EGFL7: variants seen among roughly 807,000 people sequenced by gnomAD.
EGFL7 encodes the protein EGF like domain multiple 7.
In EGFL7, 48 loss-of-function variants were observed where a neutral mutation model predicts 37.1. The ratio of observed to expected loss-of-function variants is 1.29; its 90% CI spans 1.03 to 1.65. EGFL7 has a LOEUF of 1.65. Among genes scored for constraint, EGFL7 ranks in the 40% most tolerant of loss-of-function variants. EGFL7 has a pLI of 0.00. For missense variants in EGFL7, 384 were observed against 378.9 expected (o/e 1.01, Z -0.11); for synonymous variants, 180 against 156.8 (o/e 1.15, Z -1.10).
Position 136,672,069 on chromosome 9 carries a change from G to T in EGFL7, c.780G>T (p.Leu260=). Residue 260 remains leucine (L), a synonymous_variant, in exon 10 of 11, where the codon CTG becomes CTT. Coordinates refer to ENST00000308874, the MANE Select transcript of EGFL7 (RefSeq NM_016215.5). The part of the protein sequence containing the change: ...IDSLSEQISF[L]EEQLGSCSCK... Reference sequence around the variant, plus strand: ...CCCTGAGCGAGCAGATTTCCTTCCTGGAGGAGCAGCTGGGGTCCTGTGAGT... The same window carrying T: ...CCCTGAGCGAGCAGATTTCCTTCCTTGAGGAGCAGCTGGGGTCCTGTGAGT... 2 of 1,546,598 alleles carry T rather than the reference G, an allele frequency of 1.3e-6. No individual in the cohort carries two copies.
In EGFL7 at chr9:136,672,286, A is replaced by G; in HGVS notation, c.822A>G (p.Ter274TrpextTer33). The change falls in exon 11 of 11, where the codon TGA becomes TGG. Residue 274 changes from the stop codon to tryptophan (W), a stop_lost. Coordinates refer to ENST00000308874, the MANE Select transcript of EGFL7 (RefSeq NM_016215.5). ...LGSCSCKKDS[*>W] ...TAGGCTCCTGCAAGAAAGACTCGTG[A>G]CTGCCCAGCGCCCCAGGCTGGACTG... The G allele has an allele frequency of 1.2e-6, 2 of 1,613,264 alleles. No homozygotes were observed. The highest frequency in any genetic ancestry group is 2.7e-5 in the African/African-American group (2 of 75,038).
chr9:136,666,090 G>A lies in EGFL7; in HGVS notation c.-43+1305G>A, dbSNP rs1845455127. On this transcript the variant is annotated intron_variant, in intron 3 of 10. Transcript: ENST00000308874. This position sits in a 1 kb window ranked among gnomAD's most constrained non-coding sequence, Gnocchi z 6.8. ...CGGCGGGCGGGCGGGCGGCGCGGCG[G>A]GGAGGGCCGGGGTCGCCGCGGCCCC... Among the ~76,000 whole-genome samples the A allele has an allele frequency of 6.1e-5, 9 of 147,052 alleles. No individual in the cohort carries two copies. The South Asian group carries it at 1.5e-3, about 24-fold the overall frequency.
Position 136,672,045 on chromosome 9 carries a change from CCT to C in EGFL7, c.757_758del (p.Leu253GlufsTer30), listed in dbSNP as rs749353808. 4 of 1,545,878 alleles carry C rather than the reference CCT, an allele frequency of 2.6e-6. No homozygotes were observed. The highest frequency in any genetic ancestry group is 2.4e-5 in the East Asian group (1 of 40,958). On this transcript the variant is annotated frameshift_variant, in exon 10 of 11. Transcript: ENST00000308874. LOFTEE classifies it high-confidence loss of function. ...TCCAGCAGCTCGGCCGCATCGACTC[CCT>C]GAGCGAGCAGATTTCCTTCCTGGAG... Reference protein sequence around the residue: ...SFQQLGRIDSLSEQISFLEEQ... With the variant: ...SFQQLGRIDSXSEQISFLEEQ...
chr9:136,660,908 C>T (rs1365635842), upstream of EGFL7, among the ~76,000 whole-genome samples: 1 of 152,198 alleles, frequency 6.6e-6, no homozygotes. Flanking sequence ...GTTTCCCCCT[C>T]TGTACACAGA....
chr9:136,660,934 C>A (rs759168158), upstream of EGFL7, among the ~76,000 whole-genome samples: 1 of 152,194 alleles, frequency 6.6e-6, no homozygotes, highest in African/African-American at 2.4e-5. Context: ...CTGGATCTAG[C>A]CCACCCCATG....
At position 136,672,542 on chromosome 9, in the gene EGFL7, G is replaced by T; in HGVS notation, c.*256G>T. 1 of 596,204 alleles carries T rather than the reference G, an allele frequency of 1.7e-6. No individual in the cohort carries two copies. Among genetic ancestry groups the T allele is most frequent in the Non-Finnish European group, 3.0e-6 (1 of 334,926 alleles). The allele number at this position is 596,204 out of a possible 1,614,324, so 36.9% of individuals were successfully genotyped here. ...CCCCAACGGCATCCCAAGGCCAGGTGGGCCCTCAGCTGAGGGAAGGTACGA... is the reference window on the plus strand; with the variant it reads ...CCCCAACGGCATCCCAAGGCCAGGTTGGCCCTCAGCTGAGGGAAGGTACGA... On this transcript the variant is annotated 3_prime_UTR_variant, in exon 11 of 11. Transcript: ENST00000308874.
rs745384752 is a variant in EGFL7, at chr9:136,670,144, C to T, written c.410-25C>T. The T allele has an allele frequency of 1.1e-5, 18 of 1,612,430 alleles. No individual in the cohort carries two copies. In the South Asian group the frequency reaches 2.0e-4, roughly 18 times the overall value. On this transcript the variant is annotated intron_variant, in intron 7 of 10. Transcript: ENST00000308874. ...GGCAGGACCCCTCCCGCAGGCATGG[C>T]CGCCTGACACCCCGTTTCCTGCAGA...
upstream of EGFL7, among the ~76,000 whole-genome samples, chr9:136,660,592 C>A (rs1054790251): frequency 1.1e-4 from 16 of 152,112 alleles, no homozygotes. Flanking sequence ...GGGGAGGACG[C>A]AGACTCTGCC....
At chr9:136,668,906 C>G in intron 5 of EGFL7, among the ~76,000 whole-genome samples, 1 of 152,260 alleles carries the variant, frequency 6.6e-6, no homozygotes, top group Non-Finnish European at 1.5e-5. Context: ...CTCAAAGGAC[C>G]GCACCTCTAA....
In EGFL7 at chr9:136,670,199, GCTGTC is replaced by G; in HGVS notation, c.442_446del (p.Cys148ProfsTer134). 1 of 1,612,628 alleles carries G rather than the reference GCTGTC, an allele frequency of 6.2e-7. No individual in the cohort carries two copies. Among genetic ancestry groups the G allele is most frequent in the Non-Finnish European group, 8.5e-7 (1 of 1,179,832 alleles). ...GATGAATGCAGTGCTAGGAGGGGCGGCTGTCCCCAGCGCTGCGTCAACACCGCCGG... is the reference window on the plus strand; with the variant it reads ...GATGAATGCAGTGCTAGGAGGGGCGGCCCAGCGCTGCGTCAACACCGCCGG... On this transcript the variant is annotated frameshift_variant, in exon 8 of 11. Coordinates refer to ENST00000308874, the MANE Select transcript of EGFL7 (RefSeq NM_016215.5). LOFTEE classifies it high-confidence loss of function.
intron 3 of EGFL7, chr9:136,665,688 T>C (rs7847142): frequency 0.61 from 86,703 of 143,192 alleles, 26,243 homozygotes; most frequent in East Asian, 0.87. Flanking sequence ...TTTCCCCGTC[T>C]GCGCAATGGG....
intron 10 of EGFL7, 24 bp downstream of exon 10, chr9:136,672,112 C>T (rs1845950668): frequency 1.3e-6 from 2 of 1,549,082 alleles, no homozygotes; most frequent in South Asian, 1.2e-5. Context: ...CCCTCCAGAG[C>T]CCTCCTCCCG....
In EGFL7 at chr9:136,666,080, C is replaced by A. The variant is rs1402058941; in HGVS notation, c.-43+1295C>A. On this transcript the variant is annotated intron_variant, in intron 3 of 10. Transcript: ENST00000308874. This position sits in a 1 kb window ranked among gnomAD's most constrained non-coding sequence, Gnocchi z 6.8. ...CCCCTGCCGGCGGCGGGCGGGCGGGCGGCGCGGCGGGGAGGGCCGGGGTCG... is the reference window on the plus strand; with the variant it reads ...CCCCTGCCGGCGGCGGGCGGGCGGGAGGCGCGGCGGGGAGGGCCGGGGTCG... 6.9e-6 allele frequency among the ~76,000 whole-genome samples: 1 copy of A among 145,138 alleles called. No homozygotes were observed. Among genetic ancestry groups the A allele is most frequent in the Non-Finnish European group, 1.5e-5 (1 of 65,514 alleles).
At position 136,665,828 on chromosome 9, in the gene EGFL7, AGCGAGCGGG is replaced by A. The variant is rs1436266888; in HGVS notation, c.-43+1047_-43+1055del. The stretch of plus-strand genomic sequence containing the variant: ...GCCCCGGATCCGGCGGTGAGTGCGG[AGCGAGCGGG>A]GCGCGCCGGGGTCGGGGTCCGGTCG... On this transcript the variant is annotated intron_variant, in intron 3 of 10. Coordinates refer to ENST00000308874, the MANE Select transcript of EGFL7 (RefSeq NM_016215.5). 4 of 141,204 alleles carry A rather than the reference AGCGAGCGGG, an allele frequency of 2.8e-5. No individual in the cohort carries two copies. The South Asian group carries it at 8.2e-4, about 29-fold the overall frequency. 8.7% of individuals were successfully genotyped at this position (141,204 alleles called of 1,614,324 possible).
In EGFL7 at chr9:136,663,085, A is replaced by G. The variant is rs1335803118; in HGVS notation, c.-376A>G. ...GGACACAGCAGCGGCCACCATGGCC[A>G]CGCCTGGGCTCCAGCAGCATCAGGT... On this transcript the variant is annotated 5_prime_UTR_variant, in exon 1 of 11. Coordinates refer to ENST00000308874, the MANE Select transcript of EGFL7 (RefSeq NM_016215.5). The G allele has an allele frequency of 6.6e-6, 1 of 152,538 alleles. No individual in the cohort carries two copies. The highest frequency in any genetic ancestry group is 1.9e-4 in the East Asian group (1 of 5,208). The allele number at this position is 152,538 out of a possible 1,614,324, so 9.4% of individuals were successfully genotyped here.
upstream of EGFL7, among the ~76,000 whole-genome samples, chr9:136,662,504 C>G (rs1387491676): frequency 6.6e-6 from 1 of 152,186 alleles, no homozygotes; most frequent in Non-Finnish European, 1.5e-5. Context: ...CTGTGTCACA[C>G]ACATCTGGGG....
intron 3 of EGFL7, chr9:136,665,870 G>C (rs1845435380): frequency 6.8e-6 from 1 of 146,170 alleles, no homozygotes; most frequent in East Asian, 2.0e-4. Flanking sequence ...TCGCCGCCCG[G>C]GCTGGGTCGA....
chr9:136,670,078 C>G, intron 7 of EGFL7, 69 bp downstream of exon 7: 11 of 1,601,878 alleles, frequency 6.9e-6, no homozygotes, highest in Non-Finnish European at 7.7e-6. Context: ...CCTGGGGTTA[C>G]TGCTGGCCCA....
At chr9:136,669,892 G>T in intron 6 of EGFL7, 22 bp from the exon 7 acceptor site, 2 of 1,559,986 alleles carry the variant, frequency 1.3e-6, no homozygotes, top group South Asian at 2.4e-5. Flanking sequence ...CTGAGCTGGT[G>T]ACCAGCCTCC....
Sources: allele counts gnomAD v4.1 joint callset (sites outside exome capture counted in the v4.1 genomes callset), GRCh38; gene constraint gnomAD v4.1.1; non-coding constraint Gnocchi (gnomAD v3.1); transcripts MANE v1.5; gene names NCBI Gene and HGNC (gene_info 2026-07-23, HGNC 2026-07-21).